The following PRKD1 variants were observed in gnomAD, a reference collection of about 807,000 sequenced individuals.
PRKD1 encodes protein kinase D1, also known as serine/threonine-protein kinase D1.
A neutral mutation model predicts 95.9 loss-of-function variants in PRKD1; 63 were observed. The ratio of observed to expected loss-of-function variants is 0.66; its 90% confidence interval spans 0.54 to 0.81. PRKD1 has a LOEUF of 0.81. Ranked by LOEUF, PRKD1 falls within the 30% of genes least tolerant of loss-of-function variation. PRKD1 has a pLI of 0.00. For missense variants in PRKD1, 1,048 were observed against 1,165.3 expected (o/e 0.90, Z 1.47); for synonymous variants, 425 against 423.1 (o/e 1.00, Z -0.05).
chr14:29,814,412 A>G (rs535548640), intron 1 of PRKD1, among the ~76,000 whole-genome samples: 1 of 152,308 alleles, frequency 6.6e-6, no homozygotes, highest in South Asian at 2.1e-4. Context: ...CTGGCTGACT[A>G]TCAATGTCTT....
chr14:29,864,478 C>T (rs45455593), intron 1 of PRKD1, among the ~76,000 whole-genome samples: 3,297 of 152,184 alleles, frequency 0.022, 116 homozygotes, highest in African/African-American at 0.074. Flanking sequence ...TGTTCAATAC[C>T]TATTCTTTCT....
chr14:29,801,709 A>G (rs1890037026), intron 1 of PRKD1, among the ~76,000 whole-genome samples: 3 of 151,598 alleles, frequency 2.0e-5, no homozygotes, highest in African/African-American at 7.3e-5. Flanking sequence ...TTTTTTTTAG[A>G]TGGAGTTTCG....
chr14:29,658,419 T>A (rs1882013347), intron 4 of PRKD1, among the ~76,000 whole-genome samples: 1 of 152,138 alleles, frequency 6.6e-6, no homozygotes, highest in Non-Finnish European at 1.5e-5. Context: ...TAATTATGCA[T>A]AATGACTCCT....
chr14:29,700,660 A>G (rs1456307806), intron 2 of PRKD1, among the ~76,000 whole-genome samples: 1 of 152,152 alleles, frequency 6.6e-6, no homozygotes, highest in Non-Finnish European at 1.5e-5. Context: ...TATTCTAGAT[A>G]TTTCTGTGAA....
intron 13 of PRKD1, among the ~76,000 whole-genome samples, chr14:29,617,619 A>G (rs1878954860): frequency 6.6e-6 from 1 of 152,356 alleles, no homozygotes; most frequent in South Asian, 2.1e-4. Context: ...TGAATCCATT[A>G]GAATTATATG....
intron 4 of PRKD1, among the ~76,000 whole-genome samples, chr14:29,650,682 T>G (rs2181178): frequency 0.036 from 5,511 of 152,278 alleles, 291 homozygotes; most frequent in African/African-American, 0.12. Flanking sequence ...CAGGAACTAC[T>G]TGATGCAGGA....
intron 2 of PRKD1, among the ~76,000 whole-genome samples, chr14:29,686,831 A>G (rs1883901675): frequency 6.6e-6 from 1 of 152,268 alleles, no homozygotes; most frequent in African/African-American, 2.4e-5. Context: ...GTAGAAGGAA[A>G]TACATTATTT....
intron 1 of PRKD1, among the ~76,000 whole-genome samples, chr14:29,857,904 C>T (rs115840572): frequency 6.0e-4 from 91 of 152,294 alleles, no homozygotes; most frequent in African/African-American, 2.2e-3. Flanking sequence ...TCTCATTTTC[C>T]TTGGTTCTGT....
chr14:29,704,818 A>G (rs1048247974), intron 2 of PRKD1, among the ~76,000 whole-genome samples: 1 of 152,030 alleles, frequency 6.6e-6, no homozygotes, highest in African/African-American at 2.4e-5. Flanking sequence ...GCATAATTAA[A>G]AAGTTTAAAT....
intron 13 of PRKD1, among the ~76,000 whole-genome samples, chr14:29,610,169 G>A (rs554250413): frequency 2.0e-5 from 3 of 151,782 alleles, no homozygotes; most frequent in Admixed American, 1.3e-4. Context: ...GCATCCTTCA[G>A]AAAAGATGAA....
At chr14:29,838,855 T>C (rs1022575774) in intron 1 of PRKD1, among the ~76,000 whole-genome samples, 1 of 151,928 alleles carries the variant, frequency 6.6e-6, no homozygotes, top group Non-Finnish European at 1.5e-5. Context: ...AAGTAATGGG[T>C]TTGAAAAGAG....
intron 1 of PRKD1, among the ~76,000 whole-genome samples, chr14:29,893,691 C>T (rs922571357): frequency 1.3e-5 from 2 of 152,270 alleles, no homozygotes; most frequent in Admixed American, 6.5e-5. Flanking sequence ...TCCATAATAT[C>T]GCTAGCCTTA....
intron 4 of PRKD1, among the ~76,000 whole-genome samples, chr14:29,646,564 GATAGATAA>G (rs1397611195): frequency 6.0e-4 from 76 of 126,842 alleles, no homozygotes; most frequent in African/African-American, 2.2e-3. Context: ...TAGATAGATA[GATAGATAA>G]ATTTTTTTCA....
At chr14:29,916,012 A>T (rs921546548) in intron 1 of PRKD1, among the ~76,000 whole-genome samples, 3 of 152,216 alleles carry the variant, frequency 2.0e-5, no homozygotes, top group Admixed American at 1.3e-4. Flanking sequence ...CAAGATACAG[A>T]TTGGCACACA....
At chr14:29,732,913 G>GTT (rs574548102) in intron 1 of PRKD1, among the ~76,000 whole-genome samples, 12 of 123,998 alleles carry the variant, frequency 9.7e-5, no homozygotes, top group East Asian at 4.9e-4. Flanking sequence ...GCCTTGAAGT[G>GTT]TTTTTTTTTT....
chr14:29,895,455 T>A (rs904568462), intron 1 of PRKD1, among the ~76,000 whole-genome samples: 23 of 152,132 alleles, frequency 1.5e-4, no homozygotes, highest in Non-Finnish European at 2.8e-4. Context: ...CCGCCCTCCC[T>A]GTTCCCACTC....
chr14:29,598,380 T>A (rs1011766065), intron 15 of PRKD1, among the ~76,000 whole-genome samples: 2 of 151,290 alleles, frequency 1.3e-5, no homozygotes, highest in Non-Finnish European at 3.0e-5. Flanking sequence ...GAGACAAATA[T>A]GAAGACAAGT....
At chr14:29,693,572 A>G (rs1015784681) in intron 2 of PRKD1, among the ~76,000 whole-genome samples, 1 of 149,906 alleles carries the variant, frequency 6.7e-6, no homozygotes, top group Non-Finnish European at 1.5e-5. Context: ...TCAATTCTGA[A>G]TTTCAAGCAG....
intron 1 of PRKD1, among the ~76,000 whole-genome samples, chr14:29,748,688 T>C (rs941887696): frequency 6.6e-6 from 1 of 152,200 alleles, no homozygotes; most frequent in Non-Finnish European, 1.5e-5. Flanking sequence ...ATCCAGCACC[T>C]AGGACATGCC....
Sources: gnomAD v4.1 joint callset for allele counts (sites outside exome capture counted in the v4.1 genomes callset) on GRCh38, gnomAD v4.1.1 for gene constraint, MANE v1.5 for transcripts, NCBI Gene and HGNC (gene_info 2026-07-23, HGNC 2026-07-21) for gene names.